Variants in DNAJC17 observed in about 807,000 individuals in gnomAD.
The protein encoded by DNAJC17 is DnaJ heat shock protein family (Hsp40) member C17, also known as dnaJ homolog subfamily C member 17.
In DNAJC17, 35 loss-of-function variants were observed where a neutral mutation model predicts 48.1. That is an observed-to-expected ratio of 0.73 (90% CI 0.56 to 0.96). The LOEUF (loss-of-function observed/expected upper bound fraction) is 0.96. Among genes scored for constraint, DNAJC17 ranks in the 50% least tolerant of loss-of-function variants. DNAJC17 has a pLI of 0.00. For missense variants in DNAJC17, 355 were observed against 377.1 expected, an observed-to-expected ratio of 0.94 and a Z score of 0.48; for synonymous variants, 117 against 142.7, an observed-to-expected ratio of 0.82 and a Z score of 1.28.
intron 1 of DNAJC17, among the ~76,000 whole-genome samples, chr15:40,791,014 C>A (rs1201389788): frequency 6.6e-6 from 1 of 151,842 alleles, no homozygotes; most frequent in Non-Finnish European, 1.5e-5. Context: ...TCAAGTGAAA[C>A]CAGGCTTGGA....
chr15:40,768,092 T>G (rs1596069533), intron 10 of DNAJC17, 30 bp from the exon 11 acceptor site: 2 of 1,515,268 alleles, frequency 1.3e-6, no homozygotes, highest in East Asian at 2.3e-5. Context: ...CAGGGAGGGG[T>G]CAGGGACAGC....
chr15:40,789,739 T>TTA (rs977820421), intron 1 of DNAJC17, among the ~76,000 whole-genome samples: 1 of 151,586 alleles, frequency 6.6e-6, no homozygotes, highest in Non-Finnish European at 1.5e-5. Context: ...CTGTCTTCCC[T>TTA]TAATGCATTG....
rs1566817110 is a variant in DNAJC17 at position 40,767,286 on chromosome 15, CT to C, written c.*653del. On this transcript the variant is annotated 3_prime_UTR_variant, in exon 11 of 11. Coordinates refer to ENST00000220496, the MANE Select transcript of DNAJC17 (RefSeq NM_018163.3). ...TCCTGGACAAGCTGGAACGCAGGGG[CT>C]TCCGTGTGCTGAGCATGACGGGGGT... The C allele has an allele frequency of 2.5e-6, 4 of 1,604,482 alleles. No individual in the cohort carries two copies. The highest frequency in any genetic ancestry group is 3.4e-6 in the Non-Finnish European group (4 of 1,175,624).
chr15:40,767,209 A>AT lies in DNAJC17; in HGVS notation c.*730dup, dbSNP rs1888969250. 1.3e-6 allele frequency: 2 copies of AT among 1,486,146 alleles called. No individual in the cohort carries two copies. Among genetic ancestry groups the AT allele is most frequent in the African/African-American group, 2.9e-5 (2 of 67,972 alleles). 92.1% of individuals were successfully genotyped at this position (1,486,146 alleles called of 1,614,324 possible). Reference sequence around the variant, plus strand: ...CTGTGTGCCCCTCCTCACCCCCCCCATCCTGTCTCTTTGCAGTTATGAATA... The same window carrying AT: ...CTGTGTGCCCCTCCTCACCCCCCCCATTCCTGTCTCTTTGCAGTTATGAATA... On this transcript the variant is annotated 3_prime_UTR_variant, in exon 11 of 11. Transcript: ENST00000220496.
At position 40,776,306 on chromosome 15, in the gene DNAJC17, G is replaced by A. The variant is rs772534444; in HGVS notation, c.382-14C>T. On this transcript the variant is annotated splice_polypyrimidine_tract_variant and intron_variant, in intron 5 of 10. Transcript: ENST00000220496. ...CAGGCGTTCGATCTGCAGAGCAGGGGGTGGGGGTGACAATTCTGTGCAGGT... is the reference window on the plus strand; with the variant it reads ...CAGGCGTTCGATCTGCAGAGCAGGGAGTGGGGGTGACAATTCTGTGCAGGT... 6.8e-6 allele frequency: 11 copies of A among 1,612,594 alleles called. No homozygotes were observed. In the South Asian group the frequency reaches 9.9e-5, roughly 15 times the overall value.
At position 40,770,784 on chromosome 15, in the gene DNAJC17, G is replaced by A; in HGVS notation, c.793-2722C>T. The A allele has an allele frequency of 6.5e-7, 1 of 1,547,842 alleles. No individual in the cohort carries two copies. Among genetic ancestry groups the A allele is most frequent in the Non-Finnish European group, 8.7e-7 (1 of 1,146,924 alleles). On this transcript the variant is annotated intron_variant, in intron 10 of 10. Transcript: ENST00000220496. The surrounding 1 kb of genome is among the most constrained non-coding windows in gnomAD (Gnocchi z 5.0). Reference sequence around the variant, plus strand: ...GAGCTCAAGCTGCCCCAACATCCTGGAGCCCCCACCTGCCTACACAGCAGC... The same window carrying A: ...GAGCTCAAGCTGCCCCAACATCCTGAAGCCCCCACCTGCCTACACAGCAGC...
At chr15:40,795,869 G>A (rs1264049415) in intron 1 of DNAJC17, among the ~76,000 whole-genome samples, 1 of 152,220 alleles carries the variant, frequency 6.6e-6, no homozygotes, top group Admixed American at 6.5e-5. Flanking sequence ...TCCAGCCTGG[G>A]CGACAGAGTG....
Position 40,766,026 on chromosome 15 carries a change from C to A in DNAJC17, c.*1914G>T. Reference sequence around the variant, plus strand: ...CCAGGGACAGGGCCCAGCATCAGAGCCCCCTGCCTGCATCCTGGGGCTCTG... The same window carrying A: ...CCAGGGACAGGGCCCAGCATCAGAGACCCCTGCCTGCATCCTGGGGCTCTG... On this transcript the variant is annotated 3_prime_UTR_variant, in exon 11 of 11. Coordinates refer to ENST00000220496, the MANE Select transcript of DNAJC17 (RefSeq NM_018163.3). 2.0e-6 allele frequency: 1 copy of A among 507,876 alleles called. No individual in the cohort carries two copies. The highest frequency in any genetic ancestry group is 3.8e-5 in the Admixed American group (1 of 26,610). The allele number at this position is 507,876 out of a possible 1,614,324, so 31.5% of individuals were successfully genotyped here. A position where few individuals can be genotyped will look rare whatever the true frequency, so the allele number is the denominator to read the frequency against.
Position 40,767,222 on chromosome 15 carries a change from G to A in DNAJC17, c.*718C>T. On this transcript the variant is annotated 3_prime_UTR_variant, in exon 11 of 11. Transcript: ENST00000220496. ...CTCACCCCCCCCATCCTGTCTCTTT[G>A]CAGTTATGAATACTACGTCGATGAC... 1 of 1,514,818 alleles carries A rather than the reference G, an allele frequency of 6.6e-7. No homozygotes were observed. 93.8% of individuals were successfully genotyped at this position (1,514,818 alleles called of 1,614,324 possible). A position where few individuals can be genotyped will look rare whatever the true frequency, so the allele number is the denominator to read the frequency against.
At position 40,766,159 on chromosome 15, in the gene DNAJC17, A is replaced by C. The variant is rs1213716832; in HGVS notation, c.*1781T>G. 1.1e-5 allele frequency: 4 copies of C among 355,296 alleles called. No homozygotes were observed. Among genetic ancestry groups the C allele is most frequent in the African/African-American group, 8.4e-5 (4 of 47,672 alleles). The allele number at this position is 355,296 out of a possible 1,614,324, so 22.0% of individuals were successfully genotyped here. A position where few individuals can be genotyped will look rare whatever the true frequency, so the allele number is the denominator to read the frequency against. On this transcript the variant is annotated 3_prime_UTR_variant, in exon 11 of 11. Transcript: ENST00000220496. ...ATCCTTACTGGAACCGCAGAAACAG[A>C]GTCCGTTCCCTGGGTCTAGGACTCC...
chr15:40,788,695 CAAAA>C (rs34840348), intron 1 of DNAJC17, among the ~76,000 whole-genome samples: 1 of 116,774 alleles, frequency 8.6e-6, no homozygotes. Flanking sequence ...GACTCTGTCT[CAAAA>C]AAAAAAAAAA....
chr15:40,774,382 C>A lies in DNAJC17; in HGVS notation c.655G>T (p.Val219Leu), dbSNP rs768613436. The A allele has an allele frequency of 5.0e-6, 8 of 1,613,936 alleles. No individual in the cohort carries two copies. Residue 219 changes from valine to leucine, a missense_variant, in exon 9 of 11, where the codon GTG becomes TTG. Val to Leu is a conservative substitution (Grantham distance 32). Transcript: ENST00000220496. The stretch of plus-strand genomic sequence containing the variant: ...GCTGCCTTGACGGTTGCAAACTCCA[C>A]CACAGCAGTGCCTGGCTTCTTACTG... ...LSSKKPGTAV[V>L]EFATVKAAEL...
At chr15:40,778,898 C>T (rs540302536) in intron 4 of DNAJC17, among the ~76,000 whole-genome samples, 27 of 152,258 alleles carry the variant, frequency 1.8e-4, no homozygotes, top group Non-Finnish European at 2.9e-4. Flanking sequence ...CATGCCACTG[C>T]GCTCCAGCCT....
chr15:40,792,532 A>C (rs1390430806), intron 1 of DNAJC17: 4 of 985,444 alleles, frequency 4.1e-6, no homozygotes, highest in Non-Finnish European at 4.8e-6. Context: ...AGAGAAAGAC[A>C]GGCTGGACAT....
intron 1 of DNAJC17, among the ~76,000 whole-genome samples, chr15:40,783,208 T>C (rs1000907851): frequency 2.6e-5 from 4 of 152,212 alleles, no homozygotes; most frequent in African/African-American, 9.6e-5. Context: ...GGGCCCCTGT[T>C]TGCTTTTTTT....
At position 40,767,242 on chromosome 15, in the gene DNAJC17, G is replaced by A. The variant is rs1490713312; in HGVS notation, c.*698C>T. ...TCTTTGCAGTTATGAATACTACGTCGATGACCCTCCCCGCATAGTCCTGGA... is the reference window on the plus strand; with the variant it reads ...TCTTTGCAGTTATGAATACTACGTCAATGACCCTCCCCGCATAGTCCTGGA... On this transcript the variant is annotated 3_prime_UTR_variant, in exon 11 of 11. Coordinates refer to ENST00000220496, the MANE Select transcript of DNAJC17 (RefSeq NM_018163.3). 2 of 1,571,390 alleles carry A rather than the reference G, an allele frequency of 1.3e-6. No individual in the cohort carries two copies. The highest frequency in any genetic ancestry group is 1.2e-5 in the South Asian group (1 of 85,720).
At chr15:40,789,052 C>A (rs948333948) in intron 1 of DNAJC17, among the ~76,000 whole-genome samples, 1 of 152,182 alleles carries the variant, frequency 6.6e-6, no homozygotes, top group Admixed American at 6.5e-5. Context: ...CCCCAGACAG[C>A]CCCCTCAGCT....
At chr15:40,785,712 A>C (rs1889622059) in intron 1 of DNAJC17, among the ~76,000 whole-genome samples, 1 of 152,204 alleles carries the variant, frequency 6.6e-6, no homozygotes, top group Non-Finnish European at 1.5e-5. Context: ...TGAATTCTCT[A>C]GGTGGACAGG....
intron 2 of DNAJC17, 156 bp downstream of exon 2, chr15:40,779,772 G>A: frequency 9.2e-7 from 1 of 1,090,712 alleles, no homozygotes; most frequent in Non-Finnish European, 1.3e-6. Flanking sequence ...CAACTGACCA[G>A]ACACCCCTCA....
Sources: gnomAD v4.1 joint callset for allele counts (sites outside exome capture counted in the v4.1 genomes callset) on GRCh38, gnomAD v4.1.1 for gene constraint, Gnocchi (gnomAD v3.1) non-coding constraint, MANE v1.5 for transcripts, NCBI Gene and HGNC (gene_info 2026-07-23, HGNC 2026-07-21) for gene names.